The following PINX1 variants were observed in gnomAD, a reference collection of about 807,000 sequenced individuals.
The protein encoded by PINX1 is PIN2/TERF1-interacting telomerase inhibitor 1.
A neutral mutation model predicts 25.4 loss-of-function variants in PINX1; 34 were observed. That is an observed-to-expected ratio of 1.34 (90% CI 1.02 to 1.78). The LOEUF (loss-of-function observed/expected upper bound fraction) is 1.78. PINX1 is among the 40% of genes most tolerant of loss of function. The pLI is 0.00. For missense variants in PINX1, 592 were observed against 404.9 expected, an observed-to-expected ratio of 1.46 and a Z score of -3.97; for synonymous variants, 197 against 147.7, an observed-to-expected ratio of 1.33 and a Z score of -2.42.
At chr8:10,835,971 G>C (rs941906234) in intron 1 of PINX1, among the ~76,000 whole-genome samples, 4 of 152,112 alleles carry the variant, frequency 2.6e-5, no homozygotes, top group African/African-American at 4.8e-5. Flanking sequence ...CAAAGCACAA[G>C]AATGTCAAAC....
chr8:10,813,663 G>C (rs187070848), intron 6 of PINX1, among the ~76,000 whole-genome samples: 1 of 152,144 alleles, frequency 6.6e-6, no homozygotes. Flanking sequence ...TTGGTATCCT[G>C]GGAGAGTGAA....
At chr8:10,793,387 GGAA>G (rs1476708845) in intron 6 of PINX1, among the ~76,000 whole-genome samples, 11 of 152,258 alleles carry the variant, frequency 7.2e-5, no homozygotes, top group Middle Eastern at 3.4e-3. Flanking sequence ...GGGCCACGCT[GGAA>G]GAAGAAGAAT....
At chr8:10,772,888 G>C (rs1801273143) in intron 6 of PINX1, among the ~76,000 whole-genome samples, 1 of 152,040 alleles carries the variant, frequency 6.6e-6, no homozygotes, top group Non-Finnish European at 1.5e-5. Flanking sequence ...CTCTAGAACA[G>C]AGACTGGTGA....
At chr8:10,807,190 G>A (rs28429578) in intron 6 of PINX1, among the ~76,000 whole-genome samples, 35,837 of 152,052 alleles carry the variant, frequency 0.24, 4,345 homozygotes, top group East Asian at 0.35. Flanking sequence ...GGTTGTATCC[G>A]TGAGACAAGA....
At chr8:10,796,528 G>A (rs528662440) in intron 6 of PINX1, among the ~76,000 whole-genome samples, 6 of 152,212 alleles carry the variant, frequency 3.9e-5, no homozygotes, top group South Asian at 2.1e-4. Flanking sequence ...CATGCCTTCC[G>A]GGCTGCTGTT....
chr8:10,810,496 C>T (rs1489650750), intron 6 of PINX1, among the ~76,000 whole-genome samples: 1 of 152,134 alleles, frequency 6.6e-6, no homozygotes, highest in Non-Finnish European at 1.5e-5. Flanking sequence ...TCCTGTGTCC[C>T]CAGATTGTTC....
chr8:10,834,464 T>C, intron 2 of PINX1: 3 of 696,562 alleles, frequency 4.3e-6, no homozygotes, highest in Middle Eastern at 4.0e-4. Flanking sequence ...ATGCTAAGCA[T>C]GGCAGCTTAA....
chr8:10,803,398 T>A (rs10094907), intron 6 of PINX1, among the ~76,000 whole-genome samples: 34,257 of 152,134 alleles, frequency 0.23, 4,018 homozygotes, highest in East Asian at 0.33. Flanking sequence ...CTTTTTATGG[T>A]TCAAATCAGC....
At chr8:10,814,316 T>C (rs1028543925) in intron 6 of PINX1, among the ~76,000 whole-genome samples, 1 of 152,226 alleles carries the variant, frequency 6.6e-6, no homozygotes, top group African/African-American at 2.4e-5. Flanking sequence ...CTTTCACCAT[T>C]GAAGCAAGTA....
intron 6 of PINX1, among the ~76,000 whole-genome samples, chr8:10,773,780 G>C (rs2129071775): frequency 6.6e-6 from 1 of 152,296 alleles, no homozygotes; most frequent in Non-Finnish European, 1.5e-5. Flanking sequence ...ATCAACATCA[G>C]GATCACTGAC....
chr8:10,803,842 G>T (rs1342284397), intron 6 of PINX1, among the ~76,000 whole-genome samples: 1 of 152,180 alleles, frequency 6.6e-6, no homozygotes, highest in East Asian at 1.9e-4. Context: ...ATAACTCTTA[G>T]TATAGTGGAT....
At chr8:10,769,681 TCA>T (rs1250073030) in intron 6 of PINX1, among the ~76,000 whole-genome samples, 2 of 152,136 alleles carry the variant, frequency 1.3e-5, no homozygotes, top group Non-Finnish European at 2.9e-5. Flanking sequence ...CCTCTCCACA[TCA>T]CACAGGCAGA....
At chr8:10,796,483 G>C (rs1802087773) in intron 6 of PINX1, among the ~76,000 whole-genome samples, 1 of 152,152 alleles carries the variant, frequency 6.6e-6, no homozygotes, top group Non-Finnish European at 1.5e-5. Flanking sequence ...AGGGAATGAA[G>C]AACTCTCTAT....
chr8:10,821,801 A>T (rs1797885844), intron 5 of PINX1: 1 of 152,228 alleles, frequency 6.6e-6, no homozygotes, highest in Non-Finnish European at 1.5e-5. Context: ...TGGAATAGAG[A>T]CACTCTAGAA....
At chr8:10,817,129 C>G (rs1797722443) in intron 6 of PINX1, among the ~76,000 whole-genome samples, 1 of 152,150 alleles carries the variant, frequency 6.6e-6, no homozygotes, top group Admixed American at 6.5e-5. Context: ...ACTCTGGATG[C>G]TGAAGACAGA....
intron 6 of PINX1, chr8:10,787,592 C>T (rs762783114): frequency 1.7e-5 from 5 of 295,794 alleles, no homozygotes; most frequent in South Asian, 3.3e-5. Flanking sequence ...TCAGATTACA[C>T]TGTAAGCTAT....
At chr8:10,779,395 A>AAT (rs1208840258) in intron 6 of PINX1, among the ~76,000 whole-genome samples, 1 of 152,258 alleles carries the variant, frequency 6.6e-6, no homozygotes, top group Non-Finnish European at 1.5e-5. Context: ...GAAATGAAAC[A>AAT]AACTTGATTC....
intron 6 of PINX1, among the ~76,000 whole-genome samples, chr8:10,809,574 T>C (rs922808596): frequency 1.3e-5 from 2 of 152,186 alleles, no homozygotes; most frequent in African/African-American, 2.4e-5. Flanking sequence ...AGCCAGCCAA[T>C]ATCCCACTGC....
chr8:10,808,186 T>G (rs879859390), intron 6 of PINX1, among the ~76,000 whole-genome samples: 2 of 152,210 alleles, frequency 1.3e-5, no homozygotes, highest in Non-Finnish European at 2.9e-5. Context: ...TACAATACAA[T>G]CAGTAGTTTG....
Sources: gnomAD v4.1 joint callset for allele counts (sites outside exome capture counted in the v4.1 genomes callset) on GRCh38, gnomAD v4.1.1 for gene constraint, MANE v1.5 for transcripts, NCBI Gene and HGNC (gene_info 2026-07-23, HGNC 2026-07-21) for gene names.